TTC28: variants seen among roughly 807,000 people sequenced by gnomAD.
TTC28 encodes tetratricopeptide repeat domain 28, also known as tetratricopeptide repeat protein 28.
In TTC28, 61 loss-of-function variants were observed where a neutral mutation model predicts 198.0. The ratio of observed to expected loss-of-function variants is 0.31; its 90% confidence interval spans 0.25 to 0.38. TTC28 has a LOEUF of 0.38. Among genes scored for constraint, TTC28 ranks in the 10% least tolerant of loss-of-function variants. The probability of loss-of-function intolerance (pLI) is 1.00; values close to 1 mark genes in which losing one functional copy is unlikely to be tolerated. For missense variants in TTC28, 2,678 were observed against 3,164.0 expected (o/e 0.85, Z 3.69); for synonymous variants, 1,171 against 1,297.8 (o/e 0.90, Z 2.10).
chr22:28,449,268 C>A (rs377434680), intron 2 of TTC28, among the ~76,000 whole-genome samples: 1 of 152,104 alleles, frequency 6.6e-6, no homozygotes, highest in East Asian at 1.9e-4. Flanking sequence ...ACAGCATGAG[C>A]CAAATCATGG....
chr22:28,253,791 T>C (rs1449839679), intron 5 of TTC28, among the ~76,000 whole-genome samples: 1 of 152,046 alleles, frequency 6.6e-6, no homozygotes, highest in Non-Finnish European at 1.5e-5. Context: ...AGGTAAATGA[T>C]GGTATCATTA....
chr22:28,416,193 C>G (rs1205552767), intron 2 of TTC28, among the ~76,000 whole-genome samples: 5 of 152,196 alleles, frequency 3.3e-5, no homozygotes, highest in Non-Finnish European at 7.3e-5. Context: ...ATTCAAGAGT[C>G]TTATGCTCCC....
At chr22:28,304,033 C>A (rs1044137096) in intron 3 of TTC28, among the ~76,000 whole-genome samples, 6 of 152,200 alleles carry the variant, frequency 3.9e-5, no homozygotes, top group African/African-American at 1.4e-4. Flanking sequence ...CGCCTGTAAT[C>A]CCAGCACTTT....
At position 27,998,575 on chromosome 22, in the gene TTC28, C is replaced by T. The variant is rs774385853; in HGVS notation, c.5084G>A (p.Ser1695Asn). The T allele has an allele frequency of 1.9e-6, 3 of 1,550,728 alleles. No individual in the cohort carries two copies. Among genetic ancestry groups the T allele is most frequent in the South Asian group, 2.4e-5 (2 of 84,058 alleles). The change falls in exon 16 of 23, where the codon AGC (serine) becomes AAC (asparagine). Residue 1695 changes from serine (S) to asparagine (N), a missense_variant. Ser to Asn is a conservative substitution (Grantham distance 46). This residue lies in a region of TTC28 where 314 missense variants were observed against 442.7 expected (regional missense o/e 0.71). Coordinates refer to ENST00000397906, the MANE Select transcript of TTC28 (RefSeq NM_001145418.2). ...ALGEAMKVVQSSKAFSHPSNW... is the reference protein window; with the variant it reads ...ALGEAMKVVQNSKAFSHPSNW... ...GGAGGGGTGCGAGAAGGCCTTGCTG[C>T]TCTGCACCACCTTCATGGCCTCCCC...
Position 28,197,634 on chromosome 22 carries a change from C to A in TTC28, c.934-34035G>T, listed in dbSNP as rs1002733098. On this transcript the variant is annotated intron_variant, in intron 5 of 22. Transcript: ENST00000397906. ...AACTTTTAAATTTATGTCAAAAACA[C>A]GAAAATATTGTTAAGAAAATTAAAT... is the stretch of plus-strand genomic sequence containing the variant. Among the ~76,000 whole-genome samples the A allele has an allele frequency of 3.3e-5, 5 of 151,842 alleles. No individual in the cohort carries two copies. The East Asian group carries it at 9.7e-4, about 29-fold the overall frequency.
intron 5 of TTC28, among the ~76,000 whole-genome samples, 176 bp from the exon 6 acceptor site, chr22:28,163,775 C>T (rs761769968): frequency 1.1e-4 from 17 of 152,218 alleles, no homozygotes; most frequent in Non-Finnish European, 1.8e-4. Context: ...ACTGAGGTAC[C>T]GGGTTCATCT....
At chr22:28,037,849 T>C (rs1831841646) in intron 12 of TTC28, among the ~76,000 whole-genome samples, 1 of 152,066 alleles carries the variant, frequency 6.6e-6, no homozygotes, top group South Asian at 2.1e-4. Context: ...TGTGTAAAAA[T>C]CACAAGCCTT....
chr22:28,519,809 C>T (rs566982112), intron 2 of TTC28, among the ~76,000 whole-genome samples: 2 of 152,346 alleles, frequency 1.3e-5, no homozygotes, highest in East Asian at 3.9e-4. Flanking sequence ...TTTCTCAAAA[C>T]TTGGTGTCAC....
At chr22:28,235,245 T>C (rs987874422) in intron 5 of TTC28, among the ~76,000 whole-genome samples, 5 of 152,154 alleles carry the variant, frequency 3.3e-5, no homozygotes, top group African/African-American at 1.2e-4. Flanking sequence ...ATAGGCAAGA[T>C]GAAGAGACCA....
At chr22:28,218,540 C>A (rs1569205177) in intron 5 of TTC28, among the ~76,000 whole-genome samples, 2 of 151,936 alleles carry the variant, frequency 1.3e-5, no homozygotes, top group South Asian at 2.1e-4. Context: ...TCTGCAAAAA[C>A]CACAGTTTTC....
intron 13 of TTC28, among the ~76,000 whole-genome samples, chr22:28,017,155 G>A (rs1938408659): frequency 6.6e-6 from 1 of 152,250 alleles, no homozygotes; most frequent in Non-Finnish European, 1.5e-5. Flanking sequence ...AGCCAGACAA[G>A]GCTTGGGCAC....
chr22:28,614,875 T>C lies in TTC28; in HGVS notation c.381+14677A>G, dbSNP rs530672137. On this transcript the variant is annotated intron_variant, in intron 2 of 22. Transcript: ENST00000397906. ...AACCTAGGCAACAGCATTTAAGACA[T>C]AGGCTTCGGCAAAGACTTCATGATT... Among the ~76,000 whole-genome samples, 7 of 152,204 alleles carry C rather than the reference T, an allele frequency of 4.6e-5. No individual in the cohort carries two copies. In the East Asian group the frequency reaches 7.7e-4, roughly 17 times the overall value.
intron 2 of TTC28, among the ~76,000 whole-genome samples, chr22:28,403,913 A>G (rs2046957533): frequency 2.0e-5 from 3 of 152,286 alleles, no homozygotes; most frequent in South Asian, 4.2e-4. Flanking sequence ...TGGAAATGCA[A>G]TTAGGGAAGA....
chr22:28,025,563 G>A (rs1938798152), intron 13 of TTC28, among the ~76,000 whole-genome samples: 1 of 152,162 alleles, frequency 6.6e-6, no homozygotes, highest in East Asian at 1.9e-4. Flanking sequence ...CCTAAAGCAG[G>A]GTGGCCCACA....
At chr22:28,534,468 C>T (rs893032474) in intron 2 of TTC28, among the ~76,000 whole-genome samples, 1 of 152,198 alleles carries the variant, frequency 6.6e-6, no homozygotes, top group Non-Finnish European at 1.5e-5. Context: ...GTTGGTGGGA[C>T]TGTAAACTAG....
intron 5 of TTC28, among the ~76,000 whole-genome samples, chr22:28,292,398 A>G (rs763867931): frequency 2.0e-5 from 3 of 152,088 alleles, no homozygotes; most frequent in Non-Finnish European, 4.4e-5. Context: ...ATGTTGCCCA[A>G]GCTGGTCTCA....
chr22:28,029,586 G>T (rs981935959), intron 13 of TTC28, among the ~76,000 whole-genome samples: 1 of 152,150 alleles, frequency 6.6e-6, no homozygotes, highest in Non-Finnish European at 1.5e-5. Flanking sequence ...AACCCCAACC[G>T]CCTGCCCTGT....
At chr22:28,026,856 A>G (rs931809670) in intron 13 of TTC28, among the ~76,000 whole-genome samples, 6 of 152,200 alleles carry the variant, frequency 3.9e-5, no homozygotes, top group Non-Finnish European at 7.3e-5. Flanking sequence ...GTGGAAAATT[A>G]AAGACCTAGG....
chr22:28,294,344 G>A lies in TTC28; in HGVS notation c.933+1854C>T, dbSNP rs1350569379. ...TACAGCAGAGGTTATAAAACATGAC[G>A]TAAATTACACTATTGAGAAGAGGGA... On this transcript the variant is annotated intron_variant, in intron 5 of 22. Coordinates refer to ENST00000397906, the MANE Select transcript of TTC28 (RefSeq NM_001145418.2). Among the ~76,000 whole-genome samples, 7 of 151,988 alleles carry A rather than the reference G, an allele frequency of 4.6e-5. No homozygotes were observed. The South Asian group carries it at 6.2e-4, about 13-fold the overall frequency.
Sources: allele counts gnomAD v4.1 joint callset (sites outside exome capture counted in the v4.1 genomes callset), GRCh38; gene constraint gnomAD v4.1.1; regional missense constraint gnomAD v4.1.1; transcripts MANE v1.5; gene names NCBI Gene and HGNC (gene_info 2026-07-23, HGNC 2026-07-21).